The following ZNF490 variants were observed in gnomAD, a reference collection of about 807,000 sequenced individuals.
ZNF490 encodes zinc finger protein 490.
A neutral mutation model predicts 17.7 loss-of-function variants in ZNF490; 11 were observed. The ratio of observed to expected loss-of-function variants is 0.62; its 90% confidence interval spans 0.39 to 1.03. The LOEUF (loss-of-function observed/expected upper bound fraction) is 1.03. ZNF490 is among the 50% of genes least tolerant of loss of function. The pLI is 0.00. For missense variants in ZNF490, 542 were observed against 643.4 expected, an observed-to-expected ratio of 0.84 and a Z score of 1.71; for synonymous variants, 222 against 216.1, an observed-to-expected ratio of 1.03 and a Z score of -0.24.
chr19:12,606,343 C>CTTTTTT (rs35743660), intron 2 of ZNF490, among the ~76,000 whole-genome samples: 1 of 121,678 alleles, frequency 8.2e-6, no homozygotes, highest in African/African-American at 3.0e-5. Flanking sequence ...CTGGGTAATT[C>CTTTTTT]TTTTTTTTTT....
intron 2 of ZNF490, among the ~76,000 whole-genome samples, chr19:12,605,783 T>C (rs966086251): frequency 6.6e-6 from 1 of 152,198 alleles, no homozygotes; most frequent in African/African-American, 2.4e-5. Context: ...GAAGTGGTTA[T>C]TGGTGGACCA....
rs1157798177 is a variant in ZNF490 at position 12,578,982 on chromosome 19, G to C, written c.*1503C>G. The C allele has an allele frequency of 1.0e-6, 1 of 985,196 alleles. No homozygotes were observed. The highest frequency in any genetic ancestry group is 1.7e-5 in the African/African-American group (1 of 57,226). The allele number at this position is 985,196 out of a possible 1,614,324, so 61.0% of individuals were successfully genotyped here. A position where few individuals can be genotyped will look rare whatever the true frequency, so the allele number is the denominator to read the frequency against. ...TTAAAATGAACTGGAGGCCGGGCGC[G>C]GTGGCTCACGCCTATAATCCCAGCA... is the stretch of plus-strand genomic sequence containing the variant. On this transcript the variant is annotated 3_prime_UTR_variant, in exon 5 of 5. Transcript: ENST00000311437.
rs546989845 is a variant in ZNF490 at position 12,601,092 on chromosome 19, A to T, written c.162+8066T>A. ...CAGGGTAAGACCCTGTCTCAAAAAA[A>T]AAAGAAAAAAAAAAGGCCAGGTGCG... On this transcript the variant is annotated intron_variant, in intron 2 of 4. Transcript: ENST00000311437. Among the ~76,000 whole-genome samples the T allele has an allele frequency of 4.6e-5, 7 of 152,024 alleles. 1 individual carries two copies. Among genetic ancestry groups the T allele is most frequent in the African/African-American group, 1.7e-4 (7 of 41,504 alleles).
At chr19:12,602,079 TACAC>T (rs61568541) in intron 2 of ZNF490, among the ~76,000 whole-genome samples, 2,226 of 68,578 alleles carry the variant, frequency 0.032, 44 homozygotes, top group South Asian at 0.14. Flanking sequence ...GTTCACTATA[TACAC>T]ACACACACAC....
At chr19:12,582,681 A>G (rs988053325) in intron 4 of ZNF490, among the ~76,000 whole-genome samples, 169 bp downstream of exon 4, 5 of 152,182 alleles carry the variant, frequency 3.3e-5, no homozygotes, top group African/African-American at 1.2e-4. Context: ...GACATGAGCC[A>G]CCACGCCTGG....
At chr19:12,602,623 C>CTTTTT (rs974396095) in intron 2 of ZNF490, among the ~76,000 whole-genome samples, 1 of 138,630 alleles carries the variant, frequency 7.2e-6, no homozygotes, top group African/African-American at 2.6e-5. Flanking sequence ...ATGTATATTT[C>CTTTTT]TTTTTTTTTT....
At chr19:12,595,147 C>CT (rs1049633074) in intron 2 of ZNF490, among the ~76,000 whole-genome samples, 41 of 150,004 alleles carry the variant, frequency 2.7e-4, no homozygotes, top group East Asian at 1.4e-3. Flanking sequence ...TTTTCTCTCT[C>CT]TTTTTTTTTT....
Position 12,578,280 on chromosome 19 carries a change from G to C in ZNF490, c.*2205C>G. The C allele has an allele frequency of 1.0e-6, 1 of 985,664 alleles. No homozygotes were observed. Among genetic ancestry groups the C allele is most frequent in the Non-Finnish European group, 1.2e-6 (1 of 830,122 alleles). 61.1% of individuals were successfully genotyped at this position (985,664 alleles called of 1,614,324 possible). On this transcript the variant is annotated 3_prime_UTR_variant, in exon 5 of 5. Transcript: ENST00000311437. ...GTTAGGGGAGGTAAGAATTCTGAGT[G>C]TCCTACAGCTAAGACATGGCAGAGT...
intron 2 of ZNF490, among the ~76,000 whole-genome samples, chr19:12,598,289 G>C (rs2145158525): frequency 6.6e-6 from 1 of 152,234 alleles, no homozygotes; most frequent in South Asian, 2.1e-4. Flanking sequence ...AAGAAAAAGT[G>C]TGGTTTAGAC....
intron 3 of ZNF490, 33 bp from the exon 4 acceptor site, chr19:12,582,943 T>A: frequency 2.0e-6 from 3 of 1,532,416 alleles, no homozygotes; most frequent in Non-Finnish European, 2.7e-6. Flanking sequence ...TCACAATAAA[T>A]TATTAGAAAT....
Position 12,582,884 on chromosome 19 carries a change from C to T in ZNF490, c.316G>A (p.Glu106Lys). 3 of 1,613,214 alleles carry T rather than the reference C, an allele frequency of 1.9e-6. No homozygotes were observed. The South Asian group carries it at 3.3e-5, about 18-fold the overall frequency. Residue 106 changes from glutamate (E) to lysine (K), a missense_variant, in exon 4 of 5, where the codon GAA becomes AAA. Transcript: ENST00000311437. ...CTTCCCTGGTTTTTGTGTTCATCTT[C>T]AATATCCTGGTCTTTCCATTTTTCC... Reference protein sequence around the residue: ...IGEKWKDQDIEDEHKNQGRNL... With the variant: ...IGEKWKDQDIKDEHKNQGRNL...
In ZNF490 at chr19:12,581,514, G is replaced by C. The variant is rs59612032; in HGVS notation, c.561C>G (p.His187Gln). ...SHTEQKPNEC[H>Q]EYGEKPHKCK... is the part of the protein sequence containing the mutation. The stretch of plus-strand genomic sequence containing the variant: ...ATTTATGTGGCTTCTCTCCATATTC[G>C]TGACACTCATTTGGTTTCTGTTCAG... The change falls in exon 5 of 5, where the codon CAC (histidine) becomes CAG (glutamine). Residue 187 changes from histidine to glutamine, a missense_variant. By Grantham distance (24) the His-to-Gln change is conservative (BLOSUM62 0). Coordinates refer to ENST00000311437, the MANE Select transcript of ZNF490 (RefSeq NM_020714.3). 2.3e-4 allele frequency: 370 copies of C among 1,614,050 alleles called. 1 individual carries two copies. The African/African-American group carries it at 4.1e-3, about 18-fold the overall frequency.
Position 12,580,520 on chromosome 19 carries a change from C to A in ZNF490, c.1555G>T (p.Val519Leu), listed in dbSNP as rs150047025. The A allele has an allele frequency of 5.0e-5, 81 of 1,609,154 alleles. No homozygotes were observed. Among genetic ancestry groups the A allele is most frequent in the Non-Finnish European group, 6.4e-5 (75 of 1,177,600 alleles). ...TGTCTACTATGAGTCCTTTCGTGCACGTGCAAAGACTTTGAGTAACTGAAG... is the reference window on the plus strand; with the variant it reads ...TGTCTACTATGAGTCCTTTCGTGCAAGTGCAAAGACTTTGAGTAACTGAAG... ...KAFSYSKSLH[V>L]HERTHSRQKP Residue 519 changes from valine (V) to leucine (L), a missense_variant, in exon 5 of 5, where the codon GTG becomes TTG. Val to Leu is a conservative substitution (Grantham distance 32). Coordinates refer to ENST00000311437, the MANE Select transcript of ZNF490 (RefSeq NM_020714.3).
Position 12,581,310 on chromosome 19 carries a change from A to G in ZNF490, c.765T>C (p.Cys255=), listed in dbSNP as rs764620952. 13 of 1,614,044 alleles carry G rather than the reference A, an allele frequency of 8.1e-6. No individual in the cohort carries two copies. The highest frequency in any genetic ancestry group is 1.3e-5 in the African/African-American group (1 of 74,928). ...TGETPYECKE[C]GKAFRYLTAL... Reference sequence around the variant, plus strand: ...CAGTGAGATATCTGAATGCCTTCCCACATTCCTTACATTCATAGGGTGTCT... The same window carrying G: ...CAGTGAGATATCTGAATGCCTTCCCGCATTCCTTACATTCATAGGGTGTCT... Residue 255 remains cysteine, a synonymous_variant, in exon 5 of 5, where the codon TGT becomes TGC. Coordinates refer to ENST00000311437, the MANE Select transcript of ZNF490 (RefSeq NM_020714.3).
At chr19:12,583,648 C>T in intron 2 of ZNF490, 92 bp from the exon 3 acceptor site, 1 of 1,349,544 alleles carries the variant, frequency 7.4e-7, no homozygotes, top group Non-Finnish European at 9.9e-7. Flanking sequence ...TCCATATAAT[C>T]CTGTAGTCTC....
In ZNF490 at chr19:12,592,398, T is replaced by A. The variant is rs376962328; in HGVS notation, c.163-8842A>T. Reference sequence around the variant, plus strand: ...GTTATGATGAGACCCCATCTCAATTTAAAAAAAAAAAAAAGACGTGGAGAA... The same window carrying A: ...GTTATGATGAGACCCCATCTCAATTAAAAAAAAAAAAAAAGACGTGGAGAA... On this transcript the variant is annotated intron_variant, in intron 2 of 4. Coordinates refer to ENST00000311437, the MANE Select transcript of ZNF490 (RefSeq NM_020714.3). 3.6e-3 allele frequency among the ~76,000 whole-genome samples: 505 copies of A among 140,204 alleles called. 2 individuals are homozygous for A. The highest frequency in any genetic ancestry group is 0.012 in the African/African-American group (443 of 38,052). 92.0% of individuals were successfully genotyped at this position (140,204 alleles called of 152,430 possible).
Position 12,580,617 on chromosome 19 carries a change from T to C in ZNF490, c.1458A>G (p.Leu486=), listed in dbSNP as rs569152894. The part of the protein sequence containing the change: ...CKQCGKAFTC[L]NSLKVHKRIH... Reference sequence around the variant, plus strand: ...TTCTTTTGTGTACTTTCAGGGAATTTAAACAAGTGAAAGCTTTGCCACACT... The same window carrying C: ...TTCTTTTGTGTACTTTCAGGGAATTCAAACAAGTGAAAGCTTTGCCACACT... The change falls in exon 5 of 5, where the codon TTA becomes TTG. Residue 486 remains leucine (L), a synonymous_variant. Transcript: ENST00000311437. 2 of 1,614,082 alleles carry C rather than the reference T, an allele frequency of 1.2e-6. No individual in the cohort carries two copies. Among genetic ancestry groups the C allele is most frequent in the Non-Finnish European group, 1.7e-6 (2 of 1,180,044 alleles).
intron 2 of ZNF490, among the ~76,000 whole-genome samples, chr19:12,603,571 G>A (rs1372369284): frequency 1.3e-5 from 2 of 152,030 alleles, no homozygotes; most frequent in African/African-American, 4.8e-5. Flanking sequence ...GTAGGTGGAT[G>A]CTTGAGCTCA....
intron 1 of ZNF490, 45 bp downstream of exon 1, chr19:12,610,519 C>G (rs201710455): frequency 6.9e-7 from 1 of 1,442,114 alleles, no homozygotes; most frequent in South Asian, 1.1e-5. Flanking sequence ...ACAAGGGTCA[C>G]TATTCCACGA....
Sources: allele counts gnomAD v4.1 joint callset (sites outside exome capture counted in the v4.1 genomes callset), GRCh38; gene constraint gnomAD v4.1.1; transcripts MANE v1.5; gene names NCBI Gene and HGNC (gene_info 2026-07-23, HGNC 2026-07-21).